Variants in EXOC3L4 observed in about 807,000 individuals in gnomAD.
The protein encoded by EXOC3L4 is exocyst complex component 3-like protein 4.
Under a neutral mutation model 69.7 loss-of-function variants are expected in EXOC3L4, and 62 were observed. The observed-to-expected ratio is 0.89, with a 90% CI of 0.72 to 1.10. EXOC3L4 has a LOEUF of 1.10. Among genes scored for constraint, EXOC3L4 ranks in the 50% least tolerant of loss-of-function variants. EXOC3L4 has a pLI of 0.00. For missense variants in EXOC3L4, 1,087 were observed against 1,034.8 expected, an observed-to-expected ratio of 1.05 and a Z score of -0.69; for synonymous variants, 502 against 464.2, an observed-to-expected ratio of 1.08 and a Z score of -1.05.
In EXOC3L4 at chr14:103,103,795, C is replaced by CGTGT. The variant is rs1177907237; in HGVS notation, c.1050-145_1050-144insTGTG. ...TGGCATGGCAGCCTAGAGGCGCGCGCGCGTGTGTGTGTGTGTGTGTGTGTG... is the reference window on the plus strand; with the variant it reads ...TGGCATGGCAGCCTAGAGGCGCGCGCGTGTGCGTGTGTGTGTGTGTGTGTGTGTG... On this transcript the variant is annotated intron_variant, in intron 3 of 11. Coordinates refer to ENST00000688303, the MANE Select transcript of EXOC3L4 (RefSeq NM_001077594.2). 3.5e-3 allele frequency: 1,553 copies of CGTGT among 441,734 alleles called. 3 individuals carry two copies. The highest frequency in any genetic ancestry group is 0.013 in the African/African-American group (530 of 42,132). 27.4% of individuals were successfully genotyped at this position (441,734 alleles called of 1,614,324 possible). A position where few individuals can be genotyped will look rare whatever the true frequency, so the allele number is the denominator to read the frequency against.
intron 2 of EXOC3L4, among the ~76,000 whole-genome samples, chr14:103,101,816 G>A (rs2139478049): frequency 6.6e-6 from 1 of 152,382 alleles, no homozygotes; most frequent in Non-Finnish European, 1.5e-5. Context: ...AGGCTATCAG[G>A]TCCGGCTCAG....
intron 5 of EXOC3L4, 86 bp from the exon 6 acceptor site, chr14:103,104,652 C>A: frequency 1.3e-6 from 1 of 761,984 alleles, no homozygotes; most frequent in Non-Finnish European, 1.8e-6. Flanking sequence ...GCGGGGCGGG[C>A]TGGAGGCGCA....
chr14:103,106,411 G>A (rs545869390), intron 7 of EXOC3L4, among the ~76,000 whole-genome samples: 80 of 152,350 alleles, frequency 5.3e-4, no homozygotes, highest in African/African-American at 1.5e-3. Flanking sequence ...CGGGGACTGC[G>A]TATAGCCTGG....
intron 2 of EXOC3L4, 96 bp downstream of exon 2, chr14:103,100,709 T>A: frequency 7.1e-7 from 1 of 1,405,106 alleles, no homozygotes; most frequent in Non-Finnish European, 9.5e-7. Context: ...CCTCCCTAGC[T>A]CCCCAAACCC....
chr14:103,103,367 A>AAAAAAAG (rs1383805182), intron 3 of EXOC3L4, among the ~76,000 whole-genome samples: 6 of 149,740 alleles, frequency 4.0e-5, no homozygotes, highest in African/African-American at 1.5e-4. Flanking sequence ...AAAAAAAAAA[A>AAAAAAAG]AAAAGAAAGA....
At chr14:103,099,249 C>T (rs1183432685) in intron 1 of EXOC3L4, among the ~76,000 whole-genome samples, 2 of 152,204 alleles carry the variant, frequency 1.3e-5, no homozygotes, top group Admixed American at 1.3e-4. Flanking sequence ...TGGGAGGCCC[C>T]TCCCCTCTCC....
rs1890636578 is a variant in EXOC3L4, at chr14:103,107,558, A to T, written c.1701+15A>T. Reference sequence around the variant, plus strand: ...CGCGGGCACAGGTACCACAAGGGGGAGGGCCCTGGCAGGGCTGTGCCCAGG... The same window carrying T: ...CGCGGGCACAGGTACCACAAGGGGGTGGGCCCTGGCAGGGCTGTGCCCAGG... On this transcript the variant is annotated intron_variant, in intron 9 of 11. Coordinates refer to ENST00000688303, the MANE Select transcript of EXOC3L4 (RefSeq NM_001077594.2). The T allele has an allele frequency of 1.2e-6, 2 of 1,612,834 alleles. No individual in the cohort carries two copies. The highest frequency in any genetic ancestry group is 1.7e-6 in the Non-Finnish European group (2 of 1,179,646).
Position 103,102,099 on chromosome 14 carries a change from T to C in EXOC3L4, c.395-19T>C. 1 of 1,584,360 alleles carries C rather than the reference T, an allele frequency of 6.3e-7. No homozygotes were observed. The highest frequency in any genetic ancestry group is 2.3e-5 in the East Asian group (1 of 42,708). ...CTTGGGGCGGTCCCTCTCACCGCCC[T>C]TCTCGCCCGCCTGTGCAGAAGGCAA... On this transcript the variant is annotated intron_variant, in intron 2 of 11. Transcript: ENST00000688303.
chr14:103,107,541 C>G lies in EXOC3L4; in HGVS notation c.1699C>G (p.Gln567Glu), dbSNP rs1890634934. 1 of 1,613,586 alleles carries G rather than the reference C, an allele frequency of 6.2e-7. No homozygotes were observed. ...HLQRVARPRA[Q>E]ETLQEVHRFV... ...CCAGCGTGTGGCCCGGCCGCGGGCA[C>G]AGGTACCACAAGGGGGAGGGCCCTG... Residue 567 changes from glutamine to glutamate, a missense_variant and splice_region_variant, in exon 9 of 12, where the codon CAG becomes GAG. Transcript: ENST00000688303.
intron 1 of EXOC3L4, among the ~76,000 whole-genome samples, chr14:103,096,640 G>C (rs1279579447): frequency 6.6e-6 from 1 of 152,206 alleles, no homozygotes; most frequent in African/African-American, 2.4e-5. Context: ...TGTGAGCTAA[G>C]TTGCAAGCCC....
intron 1 of EXOC3L4, among the ~76,000 whole-genome samples, chr14:103,095,867 T>A (rs1889866290): frequency 6.6e-6 from 1 of 152,254 alleles, no homozygotes; most frequent in South Asian, 2.1e-4. Flanking sequence ...ATATCACCTA[T>A]GAATAATGAC....
chr14:103,100,143 C>A, intron 1 of EXOC3L4, 61 bp from the exon 2 acceptor site: 2 of 1,446,288 alleles, frequency 1.4e-6, no homozygotes, highest in Non-Finnish European at 1.8e-6. Context: ...TGTGGCCAGG[C>A]CCCACAGGGC....
rs1890869761 is a variant in EXOC3L4 at position 103,110,413 on chromosome 14, A to G, written c.*190A>G. 1 of 740,836 alleles carries G rather than the reference A, an allele frequency of 1.3e-6. No homozygotes were observed. Among genetic ancestry groups the G allele is most frequent in the African/African-American group, 1.7e-5 (1 of 57,738 alleles). The allele number at this position is 740,836 out of a possible 1,614,324, so 45.9% of individuals were successfully genotyped here. A position where few individuals can be genotyped will look rare whatever the true frequency, so the allele number is the denominator to read the frequency against. ...CAGCCGTGCAGGAGGCATTTCAGGC[A>G]TCGTTGAGGGGAGTGTTTTGGGGCC... On this transcript the variant is annotated 3_prime_UTR_variant, in exon 12 of 12. Coordinates refer to ENST00000688303, the MANE Select transcript of EXOC3L4 (RefSeq NM_001077594.2).
chr14:103,107,529 C>T lies in EXOC3L4; in HGVS notation c.1687C>T (p.Arg563Trp), dbSNP rs147895517. 2,542 of 1,613,692 alleles carry T rather than the reference C, an allele frequency of 1.6e-3. 2 individuals carry two copies. The highest frequency in any genetic ancestry group is 1.9e-3 in the Non-Finnish European group (2,276 of 1,180,006). ...TFAGHLQRVA[R>W]PRAQETLQEV... ...CGCCGGTCATCTCCAGCGTGTGGCC[C>T]GGCCGCGGGCACAGGTACCACAAGG... Residue 563 changes from arginine (R) to tryptophan (W), a missense_variant, in exon 9 of 12, where the codon CGG becomes TGG. Physicochemically the swap from Arg to Trp is moderately radical, Grantham distance 101. Coordinates refer to ENST00000688303, the MANE Select transcript of EXOC3L4 (RefSeq NM_001077594.2).
chr14:103,105,758 C>T lies in EXOC3L4; in HGVS notation c.1466+686C>T, dbSNP rs1890510757. On this transcript the variant is annotated intron_variant, in intron 7 of 11. Coordinates refer to ENST00000688303, the MANE Select transcript of EXOC3L4 (RefSeq NM_001077594.2). ...CTGTTGGCCTTCCGTGCCCTCAGCT[C>T]CAGGCCAGGCCTCAGCAGATGCGGC... 2.0e-5 allele frequency among the ~76,000 whole-genome samples: 3 copies of T among 152,334 alleles called. No individual in the cohort carries two copies. The South Asian group carries it at 6.2e-4, about 32-fold the overall frequency.
In EXOC3L4 at chr14:103,108,602, C is replaced by T; in HGVS notation, c.1976+85C>T. 7.1e-6 allele frequency: 11 copies of T among 1,548,216 alleles called. 1 individual carries two copies. Among genetic ancestry groups the T allele is most frequent in the Non-Finnish European group, 8.7e-6 (10 of 1,143,118 alleles). On this transcript the variant is annotated intron_variant, in intron 11 of 11. Transcript: ENST00000688303. ...GTATTGGAGCAACCCCAGCCCAGAC[C>T]TGACTGCCCAGGGGCCTGAAGACCA...
At chr14:103,103,795 C>T (rs151184170) in intron 3 of EXOC3L4, 146 bp from the exon 4 acceptor site, 92,767 of 436,584 alleles carry the variant, frequency 0.21, 7,716 homozygotes, top group East Asian at 0.26. Flanking sequence ...GAGGCGCGCG[C>T]GCGTGTGTGT....
In EXOC3L4 at chr14:103,108,452, C is replaced by A. The variant is rs751213812; in HGVS notation, c.1911C>A (p.Gly637=). The A allele has an allele frequency of 1.9e-6, 3 of 1,613,816 alleles. No homozygotes were observed. The highest frequency in any genetic ancestry group is 1.3e-5 in the African/African-American group (1 of 74,872). The change falls in exon 11 of 12, where the codon GGC becomes GGA. Residue 637 remains glycine, a synonymous_variant. Transcript: ENST00000688303. ...TCCAGTGCGTGGCTGAGATCCTGGGCGAGACCTACAAAGATGACATCCAGC... is the reference window on the plus strand; with the variant it reads ...TCCAGTGCGTGGCTGAGATCCTGGGAGAGACCTACAAAGATGACATCCAGC... ...QAIQCVAEIL[G]ETYKDDIQRH... is the part of the protein sequence containing the mutation.
intron 10 of EXOC3L4, 48 bp from the exon 11 acceptor site, chr14:103,108,348 A>G: frequency 1.3e-6 from 2 of 1,599,346 alleles, no homozygotes; most frequent in South Asian, 2.2e-5. Context: ...GAGTTGGAGC[A>G]GCGGTGGGGA....
Sources: gnomAD v4.1 joint callset for allele counts (sites outside exome capture counted in the v4.1 genomes callset) on GRCh38, gnomAD v4.1.1 for gene constraint, MANE v1.5 for transcripts, NCBI Gene and HGNC (gene_info 2026-07-23, HGNC 2026-07-21) for gene names.